Variants in AGBL3 observed in about 807,000 individuals in gnomAD.
AGBL3 encodes cytosolic carboxypeptidase 3.
In AGBL3, 68 loss-of-function variants were observed where a neutral mutation model predicts 94.5. The observed-to-expected ratio is 0.72, with a 90% CI of 0.59 to 0.88. AGBL3 has a LOEUF of 0.88. Ranked by LOEUF, AGBL3 falls within the 40% of genes least tolerant of loss-of-function variation. The pLI is 0.00. For missense variants in AGBL3, 934 were observed against 1,103.8 expected (o/e 0.85, Z 2.18); for synonymous variants, 354 against 370.7 (o/e 0.95, Z 0.52).
intron 11 of AGBL3, among the ~76,000 whole-genome samples, chr7:135,048,321 A>C (rs980644682): frequency 6.6e-6 from 1 of 151,894 alleles, no homozygotes; most frequent in Middle Eastern, 3.4e-3. Context: ...GATTGATTTG[A>C]TGTGGCTATT....
At chr7:135,122,239 C>G (rs1471643129) in intron 16 of AGBL3, among the ~76,000 whole-genome samples, 3 of 152,200 alleles carry the variant, frequency 2.0e-5, no homozygotes, top group Non-Finnish European at 4.4e-5. Context: ...AAGACATGTT[C>G]CCCAAAGCCC....
At chr7:135,010,499 A>G (rs979270746) in intron 4 of AGBL3, 1 of 154,324 alleles carries the variant, frequency 6.5e-6, no homozygotes, top group Non-Finnish European at 1.4e-5. Context: ...TATAGAGGAC[A>G]TTATTTATAC....
At chr7:135,108,238 G>A (rs923702042) in intron 15 of AGBL3, among the ~76,000 whole-genome samples, 1 of 152,128 alleles carries the variant, frequency 6.6e-6, no homozygotes, top group Admixed American at 6.6e-5. Context: ...TGATATGTGT[G>A]GATTTGATCC....
intron 5 of AGBL3, among the ~76,000 whole-genome samples, chr7:135,018,747 GA>G (rs2116245908): frequency 6.6e-6 from 1 of 152,304 alleles, no homozygotes; most frequent in African/African-American, 2.4e-5. Context: ...AAATGTCAAT[GA>G]AAATTAAAAT....
intron 15 of AGBL3, among the ~76,000 whole-genome samples, chr7:135,090,068 T>C (rs1821649297): frequency 6.6e-6 from 1 of 152,162 alleles, no homozygotes; most frequent in Non-Finnish European, 1.5e-5. Context: ...AGGAGCGCTC[T>C]GGAAGTTTGG....
chr7:135,042,482 C>CAA (rs1449049630), intron 8 of AGBL3, among the ~76,000 whole-genome samples: 1 of 152,138 alleles, frequency 6.6e-6, no homozygotes, highest in East Asian at 1.9e-4. Context: ...TCTATAGTGA[C>CAA]AGAGAGCAAA....
At chr7:135,079,288 T>C (rs540232983) in intron 13 of AGBL3, among the ~76,000 whole-genome samples, 3 of 152,318 alleles carry the variant, frequency 2.0e-5, no homozygotes, top group African/African-American at 7.2e-5. Context: ...TAAATTTGTG[T>C]AATTTTTTCT....
chr7:135,090,991 C>CT (rs1454860982), intron 15 of AGBL3, among the ~76,000 whole-genome samples: 3 of 152,156 alleles, frequency 2.0e-5, no homozygotes, highest in African/African-American at 7.2e-5. Flanking sequence ...GTCCAGGCAG[C>CT]TCCTTCAGCT....
chr7:135,012,909 A>G (rs1008039939), intron 4 of AGBL3, among the ~76,000 whole-genome samples: 1 of 152,152 alleles, frequency 6.6e-6, no homozygotes, highest in Non-Finnish European at 1.5e-5. Context: ...TAGGAGCCAG[A>G]AAGAAAAAAG....
At chr7:135,078,449 C>G (rs1820653608) in intron 13 of AGBL3, among the ~76,000 whole-genome samples, 1 of 151,866 alleles carries the variant, frequency 6.6e-6, no homozygotes, top group Non-Finnish European at 1.5e-5. Context: ...CTAATTGTTA[C>G]CCCTGTGTTA....
At chr7:135,017,769 A>G (rs1386838476) in intron 5 of AGBL3, among the ~76,000 whole-genome samples, 3 of 152,218 alleles carry the variant, frequency 2.0e-5, no homozygotes, top group Non-Finnish European at 4.4e-5. Context: ...TTAAGGAACT[A>G]GCAAGACAAA....
rs143397857 is a variant in AGBL3 at position 135,099,318 on chromosome 7, T to C, written c.2111-16062T>C. Reference sequence around the variant, plus strand: ...GTATTTATATTGTTTGCTGTTCTCTTGAAACAGTTTAATTTAAAGGCTTCC... The same window carrying C: ...GTATTTATATTGTTTGCTGTTCTCTCGAAACAGTTTAATTTAAAGGCTTCC... On this transcript the variant is annotated intron_variant, in intron 15 of 16. Transcript: ENST00000436302. Among the ~76,000 whole-genome samples, 111 of 152,284 alleles carry C rather than the reference T, an allele frequency of 7.3e-4. 3 individuals carry two copies. The South Asian group carries it at 0.011, about 15-fold the overall frequency.
intron 12 of AGBL3, among the ~76,000 whole-genome samples, chr7:135,064,961 T>C (rs1819153815): frequency 6.6e-6 from 1 of 152,208 alleles, no homozygotes; most frequent in African/African-American, 2.4e-5. Flanking sequence ...TTTCTCCTGC[T>C]TTCATCTCAT....
chr7:135,033,017 C>A (rs1191619303), intron 6 of AGBL3, 35 bp downstream of exon 6: 2 of 1,495,742 alleles, frequency 1.3e-6, no homozygotes, highest in Admixed American at 2.3e-5. Context: ...AGGAGCTAGA[C>A]CATCAACTAT....
intron 11 of AGBL3, among the ~76,000 whole-genome samples, chr7:135,046,603 T>A (rs1817382759): frequency 6.6e-6 from 1 of 152,100 alleles, no homozygotes; most frequent in Non-Finnish European, 1.5e-5. Context: ...CTTCTTTCAC[T>A]TAGTAATATG....
At chr7:135,129,486 TG>T (rs771535568) in intron 16 of AGBL3, 48 of 773,246 alleles carry the variant, frequency 6.2e-5, no homozygotes, top group African/African-American at 1.7e-4. Context: ...CTGACCATGT[TG>T]TGGAACTCCC....
chr7:135,128,379 T>TA, intron 16 of AGBL3: 1 of 519,050 alleles, frequency 1.9e-6, no homozygotes, highest in Non-Finnish European at 3.5e-6. Flanking sequence ...GGTGGGAGTG[T>TA]AGCAGTGAGG....
chr7:135,064,553 G>A (rs1314290879), intron 12 of AGBL3, among the ~76,000 whole-genome samples: 1 of 152,194 alleles, frequency 6.6e-6, no homozygotes, highest in Non-Finnish European at 1.5e-5. Context: ...CTGCACCAAG[G>A]TGATACTAGT....
chr7:135,033,233 C>A (rs1815959819), intron 6 of AGBL3, among the ~76,000 whole-genome samples: 1 of 152,140 alleles, frequency 6.6e-6, no homozygotes, highest in African/African-American at 2.4e-5. Context: ...TGAATTGTCA[C>A]ACACACAGTG....
Sources: allele counts gnomAD v4.1 joint callset (sites outside exome capture counted in the v4.1 genomes callset), GRCh38; gene constraint gnomAD v4.1.1; transcripts MANE v1.5; gene names NCBI Gene and HGNC (gene_info 2026-07-23, HGNC 2026-07-21).